The following NFIB variants were observed in gnomAD, a reference collection of about 807,000 sequenced individuals.
NFIB encodes the protein nuclear factor I B.
NFIB carries 11 observed loss-of-function variants against 61.5 expected under a neutral mutation model. The observed-to-expected ratio is 0.18, with a 90% CI of 0.11 to 0.30. NFIB has a LOEUF of 0.30. NFIB is among the 10% of genes least tolerant of loss of function. The probability of loss-of-function intolerance (pLI) is 1.00; values close to 1 mark genes in which losing one functional copy is unlikely to be tolerated. For missense variants in NFIB, 471 were observed against 608.9 expected (o/e 0.77, Z 2.38); for synonymous variants, 260 against 216.5 (o/e 1.20, Z -1.76).
intron 1 of NFIB, among the ~76,000 whole-genome samples, chr9:14,345,200 G>C (rs757731420): frequency 4.6e-4 from 70 of 152,184 alleles, no homozygotes; most frequent in Non-Finnish European, 2.4e-4. Flanking sequence ...AGAGGTAAGA[G>C]AAAGGGGCAT....
intron 1 of NFIB, among the ~76,000 whole-genome samples, chr9:14,385,294 C>T (rs1485971990): frequency 1.3e-5 from 2 of 152,192 alleles, no homozygotes; most frequent in Non-Finnish European, 2.9e-5. Context: ...ACCCAAGCCC[C>T]ACAGTCCATC....
At chr9:14,308,587 CT>C (rs2060137367) in intron 1 of NFIB, among the ~76,000 whole-genome samples, 1 of 152,200 alleles carries the variant, frequency 6.6e-6, no homozygotes, top group African/African-American at 2.4e-5. Context: ...CTTTGTGTCT[CT>C]GCATGCTGTG....
chr9:14,085,305 C>A lies in NFIB; in HGVS notation c.*3004G>T, dbSNP rs955864784. The A allele has an allele frequency of 1.3e-5, 3 of 226,152 alleles. No homozygotes were observed. Among genetic ancestry groups the A allele is most frequent in the Non-Finnish European group, 2.6e-5 (3 of 113,808 alleles). The allele number at this position is 226,152 out of a possible 1,614,324, so 14.0% of individuals were successfully genotyped here. On this transcript the variant is annotated 3_prime_UTR_variant, in exon 11 of 11. Coordinates refer to ENST00000380953, the MANE Select transcript of NFIB (RefSeq NM_001190737.2). The stretch of plus-strand genomic sequence containing the variant: ...GGCCTAGGGGAAGGGGGCCAGGGGA[C>A]TCCTTAAGACAGCCTACCATGTGTC...
chr9:14,245,414 C>T (rs925745545), intron 2 of NFIB, among the ~76,000 whole-genome samples: 5 of 151,960 alleles, frequency 3.3e-5, no homozygotes, highest in East Asian at 1.9e-4. Context: ...CTAAGATATG[C>T]CAAGCACCAT....
intron 6 of NFIB, among the ~76,000 whole-genome samples, chr9:14,126,072 C>T (rs1347035066): frequency 1.3e-5 from 2 of 152,164 alleles, no homozygotes; most frequent in African/African-American, 4.8e-5. Flanking sequence ...CACACAAAGG[C>T]CTTCTTTACC....
chr9:14,182,486 C>A (rs2046886807), intron 2 of NFIB, among the ~76,000 whole-genome samples: 1 of 152,084 alleles, frequency 6.6e-6, no homozygotes, highest in Non-Finnish European at 1.5e-5. Context: ...TCACTTAATT[C>A]CAACTGCTGG....
chr9:14,420,102 A>C, the NFIB span, among the ~76,000 whole-genome samples: 1 of 151,854 alleles, frequency 6.6e-6, no homozygotes, highest in Admixed American at 6.6e-5. Flanking sequence ...CTGTCCCCAA[A>C]CTCATGTGAA....
intron 3 of NFIB, among the ~76,000 whole-genome samples, chr9:14,179,356 A>C (rs1470908737): frequency 6.6e-6 from 1 of 152,162 alleles, no homozygotes; most frequent in Non-Finnish European, 1.5e-5. Flanking sequence ...GAGAGTTGAT[A>C]AACTATAATT....
intron 2 of NFIB, among the ~76,000 whole-genome samples, chr9:14,303,667 G>A (rs1041486680): frequency 1.3e-5 from 2 of 152,088 alleles, no homozygotes; most frequent in South Asian, 2.1e-4. Flanking sequence ...GCCAACCAAC[G>A]AATCAAAGGC....
chr9:14,219,405 G>C (rs200365259), intron 2 of NFIB, among the ~76,000 whole-genome samples: 2 of 28,464 alleles, frequency 7.0e-5, no homozygotes, highest in African/African-American at 3.4e-4. Flanking sequence ...AAAAAAAAAA[G>C]TCTAAGTTGA....
chr9:14,394,344 C>A (rs1218352426), intron 1 of NFIB, among the ~76,000 whole-genome samples: 2 of 152,164 alleles, frequency 1.3e-5, no homozygotes, highest in Non-Finnish European at 2.9e-5. Context: ...TGTTCTCACA[C>A]TGCTAATAAA....
intron 1 of NFIB, among the ~76,000 whole-genome samples, chr9:14,353,700 C>T (rs1280023009): frequency 1.3e-5 from 2 of 152,116 alleles, no homozygotes; most frequent in African/African-American, 4.8e-5. Context: ...CGTGGAGACC[C>T]GCAGGCGGTG....
chr9:14,170,472 T>C (rs2045445682), intron 3 of NFIB, among the ~76,000 whole-genome samples: 1 of 152,114 alleles, frequency 6.6e-6, no homozygotes, highest in Non-Finnish European at 1.5e-5. Context: ...CAAGGCTCTG[T>C]CTCTACAAAA....
chr9:14,265,410 G>A (rs746255804), intron 2 of NFIB, among the ~76,000 whole-genome samples: 1 of 152,144 alleles, frequency 6.6e-6, no homozygotes, highest in Non-Finnish European at 1.5e-5. Context: ...GACAGAACTA[G>A]TGTCCTTATC....
chr9:14,178,598 A>G (rs1334099803), intron 3 of NFIB, among the ~76,000 whole-genome samples: 2 of 152,158 alleles, frequency 1.3e-5, no homozygotes, highest in African/African-American at 4.8e-5. Flanking sequence ...ATTAATAAAT[A>G]TTTGGAAAAA....
chr9:14,131,521 A>G (rs2040404072), intron 6 of NFIB, among the ~76,000 whole-genome samples: 1 of 152,210 alleles, frequency 6.6e-6, no homozygotes, highest in South Asian at 2.1e-4. Context: ...TCGCTGTGAA[A>G]CACAGCGTAT....
the NFIB span, among the ~76,000 whole-genome samples, chr9:14,454,302 C>G: frequency 2.0e-5 from 3 of 152,212 alleles, no homozygotes; most frequent in African/African-American, 7.2e-5. Flanking sequence ...CAGTGAGCCT[C>G]TGAGAAGATT....
At chr9:14,505,605 A>C in the NFIB span, among the ~76,000 whole-genome samples, 1 of 152,166 alleles carries the variant, frequency 6.6e-6, no homozygotes, top group Non-Finnish European at 1.5e-5. Context: ...CCCCATGCCC[A>C]CAACCAAGAA....
At chr9:14,462,782 G>C in the NFIB span, among the ~76,000 whole-genome samples, 1 of 152,164 alleles carries the variant, frequency 6.6e-6, no homozygotes, top group Non-Finnish European at 1.5e-5. Context: ...TCATATAATA[G>C]GTGTTCCCAT....
Sources: gnomAD v4.1 joint callset for allele counts (sites outside exome capture counted in the v4.1 genomes callset) on GRCh38, gnomAD v4.1.1 for gene constraint, MANE v1.5 for transcripts, NCBI Gene and HGNC (gene_info 2026-07-23, HGNC 2026-07-21) for gene names.